The following DAB1 variants were observed in gnomAD, a reference collection of about 807,000 sequenced individuals.
The protein encoded by DAB1 is DAB adaptor protein 1.
Under a neutral mutation model 64.6 loss-of-function variants are expected in DAB1, and 15 were observed. The ratio of observed to expected loss-of-function variants is 0.23; its 90% confidence interval spans 0.16 to 0.36. The LOEUF is 0.36. Among genes scored for constraint, DAB1 ranks in the 10% least tolerant of loss-of-function variants. The pLI is 1.00. For synonymous variants in DAB1, 235 were observed against 251.9 expected (o/e 0.93, Z 0.64); for missense variants, 596 against 706.7 (o/e 0.84, Z 1.78).
intron 1 of DAB1, among the ~76,000 whole-genome samples, chr1:57,328,121 C>T (rs1440306700): frequency 6.6e-6 from 1 of 152,150 alleles, no homozygotes; most frequent in African/African-American, 2.4e-5. Context: ...TGACATTTCT[C>T]GCAGCTGCCA....
At chr1:58,396,427 T>C (rs1196846090) in intron 3 of DAB1, among the ~76,000 whole-genome samples, 1 of 151,860 alleles carries the variant, frequency 6.6e-6, no homozygotes, top group Non-Finnish European at 1.5e-5. Context: ...TCCTGCCCAG[T>C]GATCTCTGCC....
intron 4 of DAB1, among the ~76,000 whole-genome samples, chr1:58,172,130 C>T (rs1266834460): frequency 1.3e-5 from 2 of 152,264 alleles, no homozygotes; most frequent in East Asian, 3.9e-4. Context: ...AGAATGGGAA[C>T]CAGAGGCAGA....
At chr1:57,436,781 C>T (rs984940657) in intron 7 of DAB1, among the ~76,000 whole-genome samples, 10 of 152,166 alleles carry the variant, frequency 6.6e-5, no homozygotes, top group African/African-American at 2.2e-4. Flanking sequence ...GTAATCCCAG[C>T]ACTTTGGGAG....
In DAB1 at chr1:57,374,048, G is replaced by C. The variant is rs549881560; in HGVS notation, c.-137+49882C>G. On this transcript the variant is annotated intron_variant, in intron 1 of 14. Transcript: ENST00000371236. ...CAACCTTTCTATGGTAAATCCATGG[G>C]GACAGGTCCCTTTGCTGGAATTTGA... 1.8e-4 allele frequency among the ~76,000 whole-genome samples: 28 copies of C among 152,194 alleles called. No homozygotes were observed. The East Asian group carries it at 5.4e-3, about 29-fold the overall frequency.
intron 5 of DAB1, among the ~76,000 whole-genome samples, chr1:58,124,954 C>T (rs1035400646): frequency 4.6e-5 from 7 of 152,232 alleles, no homozygotes; most frequent in African/African-American, 1.7e-4. Flanking sequence ...TGGTTCTAGA[C>T]TCTGCTTGTC....
chr1:57,428,898 TTTG>T (rs1051984276), upstream of DAB1, among the ~76,000 whole-genome samples: 17 of 147,388 alleles, frequency 1.2e-4, no homozygotes, highest in African/African-American at 4.2e-4. Flanking sequence ...TTTGATTTTT[TTTG>T]TTGTTGTTGT....
intron 1 of DAB1, among the ~76,000 whole-genome samples, chr1:57,341,138 A>G (rs547090536): frequency 6.6e-6 from 1 of 152,240 alleles, no homozygotes; most frequent in African/African-American, 2.4e-5. Flanking sequence ...TCAAGGCTAC[A>G]TGGCTGGTAA....
At chr1:58,066,396 T>C (rs1199527157) in intron 5 of DAB1, among the ~76,000 whole-genome samples, 3 of 152,244 alleles carry the variant, frequency 2.0e-5, no homozygotes, top group South Asian at 4.1e-4. Flanking sequence ...AACTTTTTTA[T>C]GTTATAATAA....
At chr1:58,083,451 G>A (rs547601734) in intron 5 of DAB1, among the ~76,000 whole-genome samples, 2 of 152,150 alleles carry the variant, frequency 1.3e-5, no homozygotes, top group Non-Finnish European at 2.9e-5. Context: ...CAGTGTGCGG[G>A]GCAGCTTAGT....
At chr1:58,498,397 C>T (rs1645841217) in intron 3 of DAB1, among the ~76,000 whole-genome samples, 1 of 151,934 alleles carries the variant, frequency 6.6e-6, no homozygotes, top group African/African-American at 2.4e-5. Flanking sequence ...GAAACTAGTC[C>T]CTTTACTACC....
At chr1:58,367,059 A>G (rs757361501) in intron 3 of DAB1, among the ~76,000 whole-genome samples, 22 of 152,224 alleles carry the variant, frequency 1.4e-4, no homozygotes, top group Non-Finnish European at 2.5e-4. Context: ...TGCATCTTAT[A>G]ATCCGTGAGT....
chr1:57,307,537 C>A (rs564966301), intron 1 of DAB1, among the ~76,000 whole-genome samples: 10 of 151,154 alleles, frequency 6.6e-5, no homozygotes. Context: ...CTTCTCCATC[C>A]GCTGAGTCTA....
chr1:57,834,359 A>T (rs1652717306), intron 1 of DAB1, among the ~76,000 whole-genome samples: 1 of 152,232 alleles, frequency 6.6e-6, no homozygotes, highest in South Asian at 2.1e-4. Context: ...TAATATAAGG[A>T]GAAAGCTTAT....
intron 7 of DAB1, among the ~76,000 whole-genome samples, chr1:57,609,290 C>A (rs1182725481): frequency 6.6e-6 from 1 of 152,128 alleles, no homozygotes; most frequent in African/African-American, 2.4e-5. Flanking sequence ...CATATGCAGA[C>A]TTTTTTTCTC....
intron 4 of DAB1, among the ~76,000 whole-genome samples, chr1:58,338,035 CACT>C (rs536406218): frequency 4.7e-4 from 72 of 151,718 alleles, no homozygotes; most frequent in South Asian, 1.0e-3. Flanking sequence ...AAAAAATAGC[CACT>C]AACATTTGAA....
chr1:57,447,580 C>A (rs1312178265), intron 7 of DAB1, among the ~76,000 whole-genome samples: 6 of 152,166 alleles, frequency 3.9e-5, no homozygotes, highest in Admixed American at 1.3e-4. Context: ...CAATGAAGAT[C>A]CAAATTCCCA....
At chr1:58,158,445 G>A (rs1655334691) in intron 4 of DAB1, among the ~76,000 whole-genome samples, 1 of 152,112 alleles carries the variant, frequency 6.6e-6, no homozygotes, top group Admixed American at 6.5e-5. Flanking sequence ...CTTGTTCAAA[G>A]CTAAAACTCT....
At chr1:58,332,550 A>G (rs145977131) in intron 4 of DAB1, among the ~76,000 whole-genome samples, 8 of 152,328 alleles carry the variant, frequency 5.3e-5, no homozygotes, top group African/African-American at 9.6e-5. Flanking sequence ...CTGTGCATAC[A>G]TAAATTAAAA....
downstream of DAB1, among the ~76,000 whole-genome samples, chr1:57,825,526 A>G (rs1313001279): frequency 6.6e-6 from 1 of 152,202 alleles, no homozygotes; most frequent in Admixed American, 6.5e-5. Flanking sequence ...AAGGATCATC[A>G]CAGGTGTTAA....
Sources: allele counts gnomAD v4.1 joint callset (sites outside exome capture counted in the v4.1 genomes callset), GRCh38; gene constraint gnomAD v4.1.1; transcripts MANE v1.5; gene names NCBI Gene and HGNC (gene_info 2026-07-23, HGNC 2026-07-21).